Variants in CSMD1 observed in about 807,000 individuals in gnomAD.
CSMD1 encodes the protein CUB and Sushi multiple domains 1.
Under a neutral mutation model 417.5 loss-of-function variants are expected in CSMD1, and 213 were observed. That is an observed-to-expected ratio of 0.51 (90% CI 0.46 to 0.57). CSMD1 has a LOEUF of 0.57. CSMD1 is among the 20% of genes least tolerant of loss of function. The pLI is 0.00. For synonymous variants in CSMD1, 2,862 were observed against 1,736.8 expected, an observed-to-expected ratio of 1.65 and a Z score of -16.11; for missense variants, 6,923 against 4,529.7, an observed-to-expected ratio of 1.53 and a Z score of -15.17.
rs1585274115 is a variant in CSMD1 at position 4,891,655 on chromosome 8, T to C, written c.85+102677A>G. Among the ~76,000 whole-genome samples, 2 of 152,224 alleles carry C rather than the reference T, an allele frequency of 1.3e-5. 1 individual carries two copies. Among genetic ancestry groups the C allele is most frequent in the African/African-American group, 4.8e-5 (2 of 41,496 alleles). ...GATGCTGAATCCAAATTTATTGAAA[T>C]TGGAAACACTATGTATTTATCCTAA... is the stretch of plus-strand genomic sequence containing the variant. On this transcript the variant is annotated intron_variant, in intron 1 of 69. Coordinates refer to ENST00000635120, the MANE Select transcript of CSMD1 (RefSeq NM_033225.6).
At chr8:4,049,078 T>G (rs1798291773) in intron 3 of CSMD1, among the ~76,000 whole-genome samples, 1 of 152,160 alleles carries the variant, frequency 6.6e-6, no homozygotes, top group Non-Finnish European at 1.5e-5. Context: ...GGTTAGGAAT[T>G]GCCTCCATTT....
intron 1 of CSMD1, among the ~76,000 whole-genome samples, chr8:4,735,038 G>A (rs1050496353): frequency 5.9e-5 from 9 of 152,216 alleles, no homozygotes; most frequent in South Asian, 2.1e-4. Context: ...AAAATTGATG[G>A]AGAACAAGTC....
intron 7 of CSMD1, among the ~76,000 whole-genome samples, chr8:3,660,635 C>T (rs1032176187): frequency 1.3e-5 from 2 of 151,462 alleles, no homozygotes; most frequent in African/African-American, 4.9e-5. Context: ...ATTCTCCTAC[C>T]TCAGCCTCCT....
chr8:3,669,103 G>C (rs754315011), intron 7 of CSMD1, among the ~76,000 whole-genome samples: 1 of 152,122 alleles, frequency 6.6e-6, no homozygotes, highest in Non-Finnish European at 1.5e-5. Flanking sequence ...AGCCATTAAC[G>C]TACAGAAAAA....
intron 36 of CSMD1, among the ~76,000 whole-genome samples, chr8:3,186,879 G>C (rs1381759391): frequency 6.6e-6 from 1 of 152,164 alleles, no homozygotes; most frequent in Non-Finnish European, 1.5e-5. Context: ...TAATCCCTTA[G>C]AACTTAGTTG....
intron 1 of CSMD1, among the ~76,000 whole-genome samples, chr8:4,706,256 C>A (rs915632981): frequency 6.6e-6 from 1 of 151,832 alleles, no homozygotes; most frequent in Non-Finnish European, 1.5e-5. Flanking sequence ...ACATATCTGA[C>A]CTAAAATTTC....
intron 5 of CSMD1, among the ~76,000 whole-genome samples, chr8:3,755,676 A>T (rs1797617586): frequency 6.6e-6 from 1 of 152,184 alleles, no homozygotes; most frequent in African/African-American, 2.4e-5. Context: ...TGAAATACAT[A>T]GTCAAGCTTT....
chr8:4,110,296 A>G (rs1028261812), intron 3 of CSMD1, among the ~76,000 whole-genome samples: 3 of 152,154 alleles, frequency 2.0e-5, no homozygotes, highest in African/African-American at 7.2e-5. Flanking sequence ...ATTTTAATTT[A>G]TTTATCCACC....
At chr8:3,037,429 G>C (rs1014114524) in intron 50 of CSMD1, among the ~76,000 whole-genome samples, 24 of 151,820 alleles carry the variant, frequency 1.6e-4, no homozygotes, top group African/African-American at 5.1e-4. Context: ...AGGGTGGTCT[G>C]GATCTTCTGA....
intron 6 of CSMD1, among the ~76,000 whole-genome samples, chr8:3,711,185 C>T (rs1473850568): frequency 1.3e-5 from 2 of 152,118 alleles, no homozygotes; most frequent in Non-Finnish European, 2.9e-5. Context: ...AACATACAAA[C>T]TTTGAGGAGC....
At chr8:4,043,104 G>C (rs558896171) in intron 3 of CSMD1, among the ~76,000 whole-genome samples, 3 of 152,058 alleles carry the variant, frequency 2.0e-5, no homozygotes, top group Non-Finnish European at 4.4e-5. Context: ...TGCACTTCCA[G>C]CCTGGGTGAG....
chr8:4,918,834 G>A (rs1177647636), intron 1 of CSMD1, among the ~76,000 whole-genome samples: 2 of 152,006 alleles, frequency 1.3e-5, no homozygotes, highest in Admixed American at 6.6e-5. Flanking sequence ...CATATATGCA[G>A]ATATATATTG....
chr8:3,267,749 A>G (rs573593284), intron 26 of CSMD1, among the ~76,000 whole-genome samples: 46 of 152,278 alleles, frequency 3.0e-4, no homozygotes, highest in African/African-American at 5.8e-4. Flanking sequence ...GGCACACTAC[A>G]TGCCTCCCAC....
chr8:4,705,497 C>G (rs905168196), intron 1 of CSMD1, among the ~76,000 whole-genome samples: 1 of 152,156 alleles, frequency 6.6e-6, no homozygotes, highest in Non-Finnish European at 1.5e-5. Flanking sequence ...ATTATCCTCT[C>G]CAAGAAAAGG....
At chr8:3,437,553 G>GC (rs1814648220) in intron 12 of CSMD1, among the ~76,000 whole-genome samples, 1 of 152,050 alleles carries the variant, frequency 6.6e-6, no homozygotes, top group Non-Finnish European at 1.5e-5. Flanking sequence ...ACGTATCCAG[G>GC]GAAAAACTGG....
intron 5 of CSMD1, among the ~76,000 whole-genome samples, chr8:3,994,548 C>T (rs1017603854): frequency 3.3e-5 from 5 of 150,386 alleles, no homozygotes; most frequent in African/African-American, 9.8e-5. Context: ...ATAAAGTGAA[C>T]TCAAAATGGC....
At chr8:4,040,217 G>A (rs756707930) in intron 3 of CSMD1, among the ~76,000 whole-genome samples, 2 of 152,166 alleles carry the variant, frequency 1.3e-5, no homozygotes, top group African/African-American at 2.4e-5. Flanking sequence ...TTTTCATTTA[G>A]CAATAGTAAT....
intron 3 of CSMD1, among the ~76,000 whole-genome samples, chr8:4,041,297 G>C (rs542721310): frequency 2.8e-4 from 42 of 149,910 alleles, no homozygotes; most frequent in African/African-American, 1.0e-3. Flanking sequence ...GATTACATGC[G>C]TGAGCCACCG....
chr8:4,731,023 A>G (rs1326875527), intron 1 of CSMD1, among the ~76,000 whole-genome samples: 1 of 152,166 alleles, frequency 6.6e-6, no homozygotes, highest in African/African-American at 2.4e-5. Flanking sequence ...TCTAGGCCCA[A>G]GACGCTAACG....
Sources: allele counts gnomAD v4.1 joint callset (sites outside exome capture counted in the v4.1 genomes callset), GRCh38; gene constraint gnomAD v4.1.1; transcripts MANE v1.5; gene names NCBI Gene and HGNC (gene_info 2026-07-23, HGNC 2026-07-21).